The following PLA2R1 variants were observed in gnomAD, a reference collection of about 807,000 sequenced individuals.
The protein encoded by PLA2R1 is phospholipase A2 receptor 1.
PLA2R1 carries 158 observed loss-of-function variants against 195.9 expected under a neutral mutation model. That is an observed-to-expected ratio of 0.81 (90% confidence interval 0.71 to 0.92). The LOEUF (loss-of-function observed/expected upper bound fraction) is 0.92, where lower values mean the gene tolerates loss of function less well. Among genes scored for constraint, PLA2R1 ranks in the 40% least tolerant of loss-of-function variants. The pLI, the probability that PLA2R1 is intolerant of heterozygous loss-of-function variation, is 0.00. For missense variants in PLA2R1, 1,626 were observed against 1,764.6 expected (o/e 0.92, Z 1.41); for synonymous variants, 586 against 598.2 (o/e 0.98, Z 0.30).
At chr2:159,977,149 C>T in intron 15 of PLA2R1, 135 bp downstream of exon 15, 1 of 661,896 alleles carries the variant, frequency 1.5e-6, no homozygotes, top group Admixed American at 3.1e-5. Context: ...CCTATAGAAA[C>T]ATTTTTTGCT....
At position 160,062,161 on chromosome 2, in the gene PLA2R1, A is replaced by G; in HGVS notation, c.109+134T>C. 7 of 625,202 alleles carry G rather than the reference A, an allele frequency of 1.1e-5. No individual in the cohort carries two copies. The South Asian group carries it at 1.5e-4, about 13-fold the overall frequency. The allele number at this position is 625,202 out of a possible 1,614,324, so 38.7% of individuals were successfully genotyped here. ...TCCCCCCATGCTCAGGACTGCTGAC[A>G]CACGAACCCCTACAAACGCGGCCGC... On this transcript the variant is annotated intron_variant, in intron 1 of 29. Coordinates refer to ENST00000283243, the MANE Select transcript of PLA2R1 (RefSeq NM_007366.5).
At chr2:160,055,839 G>A (rs780860510) in intron 1 of PLA2R1, among the ~76,000 whole-genome samples, 3 of 152,204 alleles carry the variant, frequency 2.0e-5, no homozygotes, top group African/African-American at 4.8e-5. Context: ...AGAAGCAGTA[G>A]AGGGGCATTT....
At chr2:159,943,958 C>T (rs185712199) in intron 28 of PLA2R1, among the ~76,000 whole-genome samples, 4 of 152,196 alleles carry the variant, frequency 2.6e-5, no homozygotes, top group East Asian at 1.9e-4. Context: ...CCTCCTCTTT[C>T]GTTCCTAGTT....
At chr2:159,970,526 A>T (rs1158999380) in intron 17 of PLA2R1, among the ~76,000 whole-genome samples, 1 of 152,196 alleles carries the variant, frequency 6.6e-6, no homozygotes, top group Admixed American at 6.5e-5. Context: ...TTTCTGACAA[A>T]AAATTATTGG....
intron 11 of PLA2R1, among the ~76,000 whole-genome samples, chr2:159,993,548 A>C (rs1054370857): frequency 6.6e-6 from 1 of 151,898 alleles, no homozygotes; most frequent in Non-Finnish European, 1.5e-5. Flanking sequence ...CCTTAAGCCC[A>C]GACTGTGATG....
intron 10 of PLA2R1, among the ~76,000 whole-genome samples, chr2:160,010,256 T>C (rs1487730726): frequency 1.3e-5 from 2 of 152,240 alleles, no homozygotes; most frequent in Admixed American, 1.3e-4. Context: ...TAGACATACA[T>C]GGATTTAGCC....
At chr2:160,026,961 C>T (rs1223128559) in intron 6 of PLA2R1, among the ~76,000 whole-genome samples, 2 of 152,146 alleles carry the variant, frequency 1.3e-5, no homozygotes, top group Non-Finnish European at 2.9e-5. Flanking sequence ...TGGTGAAACC[C>T]CGTCTCTATA....
chr2:160,052,847 C>A (rs933907383), intron 1 of PLA2R1, among the ~76,000 whole-genome samples: 31 of 152,186 alleles, frequency 2.0e-4, no homozygotes, highest in African/African-American at 7.2e-4. Flanking sequence ...AATGAGCTAT[C>A]CATCTTAGCC....
intron 20 of PLA2R1, among the ~76,000 whole-genome samples, chr2:159,962,850 A>C (rs947653731): frequency 2.0e-5 from 3 of 151,942 alleles, no homozygotes; most frequent in African/African-American, 7.2e-5. Flanking sequence ...ACATGGACAT[A>C]GGGAGGGGAA....
At chr2:159,943,040 C>T (rs918468629) in intron 28 of PLA2R1, among the ~76,000 whole-genome samples, 8 of 149,604 alleles carry the variant, frequency 5.3e-5, no homozygotes, top group South Asian at 2.1e-4. Context: ...GGCGTGATCT[C>T]GGCTCACTGC....
Position 159,976,104 on chromosome 2 carries a change from T to A in PLA2R1, c.2559A>T (p.Ala853=). 1 of 1,613,306 alleles carries A rather than the reference T, an allele frequency of 6.2e-7. No individual in the cohort carries two copies. The highest frequency in any genetic ancestry group is 1.7e-5 in the Admixed American group (1 of 59,946). ...LHSDLLTIHS[A]HEQEFIHSKI... Reference sequence around the variant, plus strand: ...TGCTGTGGATGAATTCTTGCTCATGTGCAGAATGAATTGTGAGAAGATCAC... The same window carrying A: ...TGCTGTGGATGAATTCTTGCTCATGAGCAGAATGAATTGTGAGAAGATCAC... The change falls in exon 17 of 30, where the codon GCA becomes GCT. Residue 853 remains alanine, a synonymous_variant. Coordinates refer to ENST00000283243, the MANE Select transcript of PLA2R1 (RefSeq NM_007366.5).
intron 19 of PLA2R1, among the ~76,000 whole-genome samples, chr2:159,968,058 G>C (rs1263854814): frequency 6.6e-6 from 1 of 151,998 alleles, no homozygotes; most frequent in African/African-American, 2.4e-5. Flanking sequence ...TTCTAAAACA[G>C]TAGATAATTT....
Position 160,062,570 on chromosome 2 carries a change from C to T in PLA2R1, c.-167G>A. 8.3e-7 allele frequency: 1 copy of T among 1,198,228 alleles called. No homozygotes were observed. The highest frequency in any genetic ancestry group is 1.1e-6 in the Non-Finnish European group (1 of 914,492). The allele number at this position is 1,198,228 out of a possible 1,614,324, so 74.2% of individuals were successfully genotyped here. On this transcript the variant is annotated 5_prime_UTR_variant, in exon 1 of 30. Coordinates refer to ENST00000283243, the MANE Select transcript of PLA2R1 (RefSeq NM_007366.5). ...TTGCCAGCCCAGAGCCCTGGAGACCCACTCCGCCACCGCTGTCTCCACAGT... is the reference window on the plus strand; with the variant it reads ...TTGCCAGCCCAGAGCCCTGGAGACCTACTCCGCCACCGCTGTCTCCACAGT...
chr2:159,978,548 C>A (rs1286718806), intron 14 of PLA2R1, among the ~76,000 whole-genome samples: 4 of 152,154 alleles, frequency 2.6e-5, no homozygotes, highest in Non-Finnish European at 4.4e-5. Context: ...GTCTGTTCCT[C>A]TCCTATTACT....
chr2:160,024,772 C>A (rs1204308654), intron 6 of PLA2R1, among the ~76,000 whole-genome samples: 1 of 152,158 alleles, frequency 6.6e-6, no homozygotes, highest in Non-Finnish European at 1.5e-5. Context: ...AGCTGTAGCA[C>A]CTTGCCTTCC....
At chr2:159,945,110 A>T in intron 27 of PLA2R1, 28 bp from the exon 28 acceptor site, 1 of 1,541,460 alleles carries the variant, frequency 6.5e-7, no homozygotes, top group Non-Finnish European at 8.9e-7. Flanking sequence ...ACTCATTATG[A>T]ATTATGTGCA....
chr2:159,976,342 A>G, intron 16 of PLA2R1, 117 bp from the exon 17 acceptor site: 1 of 645,076 alleles, frequency 1.6e-6, no homozygotes, highest in Non-Finnish European at 2.7e-6. Context: ...ACACACAGGA[A>G]TTTGAACACA....
chr2:159,977,333 C>T lies in PLA2R1; in HGVS notation c.2352G>A (p.Leu784=). 2 of 1,612,776 alleles carry T rather than the reference C, an allele frequency of 1.2e-6. No homozygotes were observed. Among genetic ancestry groups the T allele is most frequent in the South Asian group, 2.2e-5 (2 of 91,030 alleles). The change falls in exon 15 of 30, where the codon CTG becomes CTA. Residue 784 remains leucine, a synonymous_variant. Coordinates refer to ENST00000283243, the MANE Select transcript of PLA2R1 (RefSeq NM_007366.5). ...CAVYKANKTL[L]PLHCGSKREW... ...CACGTTTGGAACCACAGTGTAAGGG[C>T]AGCAATGTTTTGTTTGCCTTATAAA...
chr2:159,947,503 T>C lies in PLA2R1; in HGVS notation c.3766A>G (p.Lys1256Glu). 1.9e-6 allele frequency: 3 copies of C among 1,613,414 alleles called. No individual in the cohort carries two copies. The highest frequency in any genetic ancestry group is 2.5e-6 in the Non-Finnish European group (3 of 1,179,428). Residue 1256 changes from lysine (K) to glutamate (E), a missense_variant, in exon 26 of 30, where the codon AAA becomes GAA. Transcript: ENST00000283243. ...LCSETSIPWI[K>E]FKSNCYSFST... ...AAACTGTAGCAATTACTTTTAAATT[T>C]TATCCAGGGAATAGATGTTTCTGAG...
Sources: allele counts gnomAD v4.1 joint callset (sites outside exome capture counted in the v4.1 genomes callset), GRCh38; gene constraint gnomAD v4.1.1; transcripts MANE v1.5; gene names NCBI Gene and HGNC (gene_info 2026-07-23, HGNC 2026-07-21).